ARL15: variants seen among roughly 807,000 people sequenced by gnomAD.
The protein encoded by ARL15 is ADP-ribosylation factor-like protein 15.
ARL15 carries 19 observed loss-of-function variants against 25.2 expected under a neutral mutation model. That is an observed-to-expected ratio of 0.75 (90% CI 0.53 to 1.10). The LOEUF is 1.10. ARL15 is among the 50% of genes least tolerant of loss of function. The probability of loss-of-function intolerance (pLI) is 0.00; values close to 1 mark genes in which losing one functional copy is unlikely to be tolerated. For synonymous variants in ARL15, 94 were observed against 86.8 expected (o/e 1.08, Z -0.46); for missense variants, 220 against 246.0 (o/e 0.89, Z 0.71).
intron 1 of ARL15, among the ~76,000 whole-genome samples, chr5:54,181,395 A>T (rs1443298992): frequency 2.6e-5 from 4 of 152,258 alleles, no homozygotes; most frequent in Admixed American, 2.0e-4. Flanking sequence ...TCAGGGCCTC[A>T]TCTAGGTCAG....
At chr5:54,175,988 C>A (rs1056470817) in intron 1 of ARL15, among the ~76,000 whole-genome samples, 2 of 152,160 alleles carry the variant, frequency 1.3e-5, no homozygotes, top group Non-Finnish European at 2.9e-5. Flanking sequence ...GTGATATCAT[C>A]TCCAGTCCCA....
chr5:53,946,982 G>A (rs890798963), intron 4 of ARL15, among the ~76,000 whole-genome samples: 2 of 152,178 alleles, frequency 1.3e-5, no homozygotes, highest in Non-Finnish European at 2.9e-5. Context: ...AATCATGTAT[G>A]TGGGATCTCA....
At chr5:54,197,992 T>C (rs1220820600) in intron 1 of ARL15, among the ~76,000 whole-genome samples, 1 of 151,672 alleles carries the variant, frequency 6.6e-6, no homozygotes, top group Non-Finnish European at 1.5e-5. Context: ...TGGTTCAATA[T>C]ACGCAAATCA....
chr5:54,296,875 A>G (rs1219483540), intron 1 of ARL15, among the ~76,000 whole-genome samples: 1 of 152,240 alleles, frequency 6.6e-6, no homozygotes, highest in Non-Finnish European at 1.5e-5. Flanking sequence ...CGAGTTCTGC[A>G]GAGTTAATGC....
At chr5:54,057,883 G>T (rs1043933477) in intron 4 of ARL15, among the ~76,000 whole-genome samples, 1 of 152,016 alleles carries the variant, frequency 6.6e-6, no homozygotes, top group South Asian at 2.1e-4. Flanking sequence ...AACACAGTAT[G>T]AGCCCACAAA....
At chr5:54,236,207 T>TG (rs779766990) in intron 1 of ARL15, among the ~76,000 whole-genome samples, 83 of 152,334 alleles carry the variant, frequency 5.4e-4, no homozygotes, top group Non-Finnish European at 6.3e-4. Flanking sequence ...ATCGGATAAC[T>TG]ATGTTCCTTT....
At chr5:54,302,770 T>C (rs1421560774) in intron 1 of ARL15, among the ~76,000 whole-genome samples, 1 of 134,446 alleles carries the variant, frequency 7.4e-6, no homozygotes, top group African/African-American at 2.8e-5. Context: ...AACCCAGCGG[T>C]TGCATGGCTG....
At chr5:54,252,431 A>T (rs1757254959) in intron 1 of ARL15, among the ~76,000 whole-genome samples, 1 of 152,206 alleles carries the variant, frequency 6.6e-6, no homozygotes, top group African/African-American at 2.4e-5. Flanking sequence ...TGCTACTTAG[A>T]AGTTCATCTA....
intron 1 of ARL15, among the ~76,000 whole-genome samples, chr5:54,230,346 G>GAAAAAAAAAAAAAAAAAAAAAAAAAAAA (rs137882615): frequency 2.2e-5 from 2 of 91,854 alleles, no homozygotes; most frequent in Non-Finnish European, 4.2e-5. Flanking sequence ...TTCCATCTCA[G>GAAAAAAAAAAAAAAAAAAAAAAAAAAAA]AAAAAAAAAA....
intron 4 of ARL15, among the ~76,000 whole-genome samples, chr5:54,077,694 T>C (rs255768): frequency 0.11 from 16,882 of 152,160 alleles, 1,016 homozygotes; most frequent in Non-Finnish European, 0.15. Flanking sequence ...GCCTTAATAA[T>C]AGGTAAGTCG....
intron 1 of ARL15, among the ~76,000 whole-genome samples, chr5:54,201,572 A>G (rs1755725158): frequency 6.6e-6 from 1 of 152,064 alleles, no homozygotes; most frequent in Non-Finnish European, 1.5e-5. Context: ...GAATCCTGTT[A>G]GGTTGGTTTA....
intron 4 of ARL15, among the ~76,000 whole-genome samples, chr5:54,041,107 A>G (rs1196268139): frequency 1.3e-5 from 2 of 152,246 alleles, no homozygotes; most frequent in Non-Finnish European, 2.9e-5. Context: ...CACATACAAG[A>G]CAATAATACA....
intron 3 of ARL15, among the ~76,000 whole-genome samples, chr5:54,144,557 T>C (rs1753854814): frequency 6.6e-6 from 1 of 152,246 alleles, no homozygotes; most frequent in Non-Finnish European, 1.5e-5. Flanking sequence ...CTCTAGGTCC[T>C]TGAATATTTT....
At chr5:54,307,901 G>A (rs1162088056) in intron 1 of ARL15, 4 of 152,122 alleles carry the variant, frequency 2.6e-5, no homozygotes, top group Admixed American at 2.0e-4. Flanking sequence ...AATCCATTCA[G>A]CAAAATCTGG....
At chr5:54,235,221 T>G (rs537976332) in intron 1 of ARL15, among the ~76,000 whole-genome samples, 3 of 152,326 alleles carry the variant, frequency 2.0e-5, no homozygotes, top group African/African-American at 7.2e-5. Flanking sequence ...GAACCAATGC[T>G]TGGGGTATAC....
At chr5:54,170,637 C>A (rs1325343774) in intron 2 of ARL15, among the ~76,000 whole-genome samples, 1 of 152,058 alleles carries the variant, frequency 6.6e-6, no homozygotes, top group Non-Finnish European at 1.5e-5. Context: ...TCTTTTCCAC[C>A]CCCTCACCTT....
chr5:54,104,573 C>T (rs1026292463), intron 4 of ARL15, among the ~76,000 whole-genome samples: 1 of 152,016 alleles, frequency 6.6e-6, no homozygotes, highest in Non-Finnish European at 1.5e-5. Flanking sequence ...ATTTTTATAA[C>T]TTCCCAAAGA....
At chr5:54,019,234 G>A (rs1749521349) in intron 4 of ARL15, among the ~76,000 whole-genome samples, 1 of 151,834 alleles carries the variant, frequency 6.6e-6, no homozygotes, top group South Asian at 2.1e-4. Flanking sequence ...AACAGTGAAG[G>A]TTTTTCCAAG....
intron 4 of ARL15, among the ~76,000 whole-genome samples, chr5:54,091,400 C>A (rs557188548): frequency 6.6e-6 from 1 of 152,220 alleles, no homozygotes; most frequent in Admixed American, 6.5e-5. Context: ...GAGAATGTTA[C>A]TCAAACATAA....
Sources: gnomAD v4.1 joint callset for allele counts (sites outside exome capture counted in the v4.1 genomes callset) on GRCh38, gnomAD v4.1.1 for gene constraint, MANE v1.5 for transcripts, NCBI Gene and HGNC (gene_info 2026-07-23, HGNC 2026-07-21) for gene names.